Variants in MYO18B observed in about 807,000 individuals in gnomAD.
MYO18B encodes the protein unconventional myosin-XVIIIb.
Under a neutral mutation model 273.0 loss-of-function variants are expected in MYO18B, and 204 were observed. The observed-to-expected ratio is 0.75, with a 90% CI of 0.67 to 0.84. MYO18B has a LOEUF of 0.84. Ranked by LOEUF, MYO18B falls within the 40% of genes least tolerant of loss-of-function variation. The probability of loss-of-function intolerance (pLI) is 0.00; values close to 1 mark genes in which losing one functional copy is unlikely to be tolerated. For missense variants in MYO18B, 3,212 were observed against 3,287.6 expected (o/e 0.98, Z 0.56); for synonymous variants, 1,330 against 1,305.7 (o/e 1.02, Z -0.40).
chr22:25,863,553 T>A (rs922193342), intron 21 of MYO18B, among the ~76,000 whole-genome samples: 1 of 152,248 alleles, frequency 6.6e-6, no homozygotes, highest in African/African-American at 2.4e-5. Flanking sequence ...GCCCAATTTT[T>A]AAAAATTTGT....
Position 25,846,088 on chromosome 22 carries a change from C to A in MYO18B, c.3369-12C>A. 1 of 1,517,018 alleles carries A rather than the reference C, an allele frequency of 6.6e-7. No individual in the cohort carries two copies. The highest frequency in any genetic ancestry group is 2.4e-5 in the Admixed American group (1 of 41,332). The allele number at this position is 1,517,018 out of a possible 1,614,324, so 94.0% of individuals were successfully genotyped here. A position where few individuals can be genotyped will look rare whatever the true frequency, so the allele number is the denominator to read the frequency against. On this transcript the variant is annotated splice_polypyrimidine_tract_variant and intron_variant, in intron 18 of 43. Coordinates refer to ENST00000335473, the MANE Select transcript of MYO18B (RefSeq NM_032608.7). ...CCTAAAGCTCCTCTCTCTTTTCCCTCCTCCCCACCAGAGAGGAGCTGCGGA... is the reference window on the plus strand; with the variant it reads ...CCTAAAGCTCCTCTCTCTTTTCCCTACTCCCCACCAGAGAGGAGCTGCGGA...
rs561949366 is a variant in MYO18B at position 25,829,807 on chromosome 22, C to T, written c.2979+839C>T. ...GAGCTGAGATTGCGCCACTGCACTC[C>T]AGCCTGGGTGACAAAGAGAGACTCC... is the stretch of plus-strand genomic sequence containing the variant. On this transcript the variant is annotated intron_variant, in intron 15 of 43. Coordinates refer to ENST00000335473, the MANE Select transcript of MYO18B (RefSeq NM_032608.7). Among the ~76,000 whole-genome samples, 9 of 151,948 alleles carry T rather than the reference C, an allele frequency of 5.9e-5. No homozygotes were observed. The East Asian group carries it at 1.4e-3, about 23-fold the overall frequency.
chr22:25,819,800 G>C (rs2089195482), intron 12 of MYO18B, among the ~76,000 whole-genome samples: 1 of 151,876 alleles, frequency 6.6e-6, no homozygotes, highest in Non-Finnish European at 1.5e-5. Flanking sequence ...CTTCCACTTA[G>C]TATCAGCCTG....
At chr22:26,006,082 G>C (rs1481320814) in intron 42 of MYO18B, among the ~76,000 whole-genome samples, 1 of 152,224 alleles carries the variant, frequency 6.6e-6, no homozygotes, top group East Asian at 1.9e-4. Flanking sequence ...CTTTGCGTTA[G>C]CCTGTCTGCC....
chr22:25,868,948 T>C (rs961471787), intron 22 of MYO18B, among the ~76,000 whole-genome samples: 1 of 152,236 alleles, frequency 6.6e-6, no homozygotes, highest in Admixed American at 6.5e-5. Context: ...TGCTTATATA[T>C]GCTGAAGTTT....
Position 26,014,708 on chromosome 22 carries a change from A to G in MYO18B, c.6470+9853A>G, listed in dbSNP as rs191649818. ...GTATAAGCATTCGTTTTTCTCTGCA[A>G]CCTCACCAGCACCTGTCTTTTTTTG... On this transcript the variant is annotated intron_variant, in intron 42 of 43. Transcript: ENST00000335473. 5.3e-4 allele frequency among the ~76,000 whole-genome samples: 81 copies of G among 152,264 alleles called. 2 individuals carry two copies. Among genetic ancestry groups the G allele is most frequent in the East Asian group, 1.9e-4 (1 of 5,186 alleles).
chr22:25,787,270 GCGCACACACACACACACA>G (rs1186851570), intron 11 of MYO18B, among the ~76,000 whole-genome samples: 1 of 42,624 alleles, frequency 2.3e-5, no homozygotes, highest in Non-Finnish European at 4.2e-5. Context: ...GTGCAGGCGC[GCGCACACACACACACACA>G]CACACACACA....
chr22:26,010,187 A>G (rs1934784695), intron 42 of MYO18B, among the ~76,000 whole-genome samples: 1 of 151,734 alleles, frequency 6.6e-6, no homozygotes, highest in South Asian at 2.1e-4. Context: ...TCCATCCCCC[A>G]CTGCCAACAC....
intron 12 of MYO18B, among the ~76,000 whole-genome samples, chr22:25,820,135 G>A (rs1378602617): frequency 2.8e-5 from 1 of 36,020 alleles, no homozygotes; most frequent in Non-Finnish European, 6.0e-5. Flanking sequence ...TTTTTAAAGT[G>A]ACAGGATTTT....
intron 31 of MYO18B, among the ~76,000 whole-genome samples, chr22:25,904,754 A>G (rs980214139): frequency 2.0e-5 from 3 of 152,174 alleles, no homozygotes; most frequent in Non-Finnish European, 4.4e-5. Context: ...ATAATAGAAC[A>G]CAAAAATTGT....
chr22:25,862,934 C>A (rs1055246242), intron 21 of MYO18B, among the ~76,000 whole-genome samples: 4 of 151,906 alleles, frequency 2.6e-5, no homozygotes, highest in Admixed American at 2.0e-4. Flanking sequence ...TTCTGAGACT[C>A]CTGTTGTGCA....
intron 1 of MYO18B, among the ~76,000 whole-genome samples, chr22:25,743,460 G>C (rs1327672920): frequency 6.6e-6 from 1 of 151,954 alleles, no homozygotes; most frequent in Non-Finnish European, 1.5e-5. Context: ...GTGGAGAGGA[G>C]AGAGAGAAAA....
chr22:25,984,803 GAA>G (rs59242717), intron 39 of MYO18B, among the ~76,000 whole-genome samples: 1 of 143,750 alleles, frequency 7.0e-6, no homozygotes, highest in Admixed American at 6.9e-5. Flanking sequence ...CCATCTCTAA[GAA>G]AAAAAAAAAA....
chr22:25,934,325 G>GAT (rs1280482044), intron 34 of MYO18B, among the ~76,000 whole-genome samples: 1 of 152,100 alleles, frequency 6.6e-6, no homozygotes, highest in Non-Finnish European at 1.5e-5. Context: ...ATGGGTCAGT[G>GAT]TTAAACATCT....
intron 21 of MYO18B, among the ~76,000 whole-genome samples, chr22:25,857,133 A>G (rs147726856): frequency 6.6e-6 from 1 of 152,074 alleles, no homozygotes; most frequent in Non-Finnish European, 1.5e-5. Flanking sequence ...GCTTTAACCT[A>G]CACCAAAGCC....
At chr22:25,753,594 T>TACA in intron 1 of MYO18B, among the ~76,000 whole-genome samples, 1 of 152,206 alleles carries the variant, frequency 6.6e-6, no homozygotes, top group Non-Finnish European at 1.5e-5. Context: ...GGTCGATTGT[T>TACA]GGGTCTACGC....
intron 3 of MYO18B, among the ~76,000 whole-genome samples, chr22:25,764,741 C>T (rs1459812161): frequency 6.6e-6 from 1 of 152,238 alleles, no homozygotes; most frequent in Admixed American, 6.5e-5. Flanking sequence ...CCCCGGCAGG[C>T]TGTTGTTAGG....
chr22:25,854,976 C>G (rs2090524977), intron 21 of MYO18B, among the ~76,000 whole-genome samples: 2 of 152,106 alleles, frequency 1.3e-5, no homozygotes, highest in African/African-American at 4.8e-5. Context: ...CGGGGGTACA[C>G]ATGCAGGTTT....
chr22:25,860,219 C>T (rs888490904), intron 21 of MYO18B, among the ~76,000 whole-genome samples: 1 of 152,172 alleles, frequency 6.6e-6, no homozygotes, highest in African/African-American at 2.4e-5. Flanking sequence ...GCATCTCTTT[C>T]TTTCTGCCTC....
Sources: allele counts gnomAD v4.1 joint callset (sites outside exome capture counted in the v4.1 genomes callset), GRCh38; gene constraint gnomAD v4.1.1; transcripts MANE v1.5; gene names NCBI Gene and HGNC (gene_info 2026-07-23, HGNC 2026-07-21).